The following UBAP1 variants were observed in gnomAD, a reference collection of about 807,000 sequenced individuals.
UBAP1 encodes the protein ubiquitin-associated protein 1.
A neutral mutation model predicts 39.0 loss-of-function variants in UBAP1; 5 were observed. The ratio of observed to expected loss-of-function variants is 0.13; its 90% CI spans 0.07 to 0.27. The LOEUF (loss-of-function observed/expected upper bound fraction) is 0.27. Ranked by LOEUF, UBAP1 falls within the 10% of genes least tolerant of loss-of-function variation. UBAP1 has a pLI of 1.00. For synonymous variants in UBAP1, 211 were observed against 225.1 expected (o/e 0.94, Z 0.56); for missense variants, 490 against 608.1 (o/e 0.81, Z 2.04).
At chr9:34,216,517 G>T (rs1482317330) in intron 1 of UBAP1, among the ~76,000 whole-genome samples, 1 of 151,652 alleles carries the variant, frequency 6.6e-6, no homozygotes, top group Non-Finnish European at 1.5e-5. Flanking sequence ...TAGAGCTGGG[G>T]TCTCACTCTG....
chr9:34,236,578 C>T (rs1051990975), intron 3 of UBAP1, among the ~76,000 whole-genome samples: 1 of 152,070 alleles, frequency 6.6e-6, no homozygotes, highest in African/African-American at 2.4e-5. Flanking sequence ...ATTCCCATTG[C>T]CCATTTAACT....
At chr9:34,231,046 G>A (rs1183238006) in intron 2 of UBAP1, among the ~76,000 whole-genome samples, 1 of 151,394 alleles carries the variant, frequency 6.6e-6, no homozygotes, top group Non-Finnish European at 1.5e-5. Context: ...AGGATTATTT[G>A]GGACCCAGAG....
In UBAP1 at chr9:34,249,756, T is replaced by TA. The variant is rs1230871726; in HGVS notation, c.1084-21dup. On this transcript the variant is annotated intron_variant, in intron 4 of 6. Coordinates refer to ENST00000297661, the MANE Select transcript of UBAP1 (RefSeq NM_016525.5). ...TTTGGGGGCCCAGGTCTTCTTGCCTTAATCTTCTTGTTTTTCCACTAGGTC... is the reference window on the plus strand; with the variant it reads ...TTTGGGGGCCCAGGTCTTCTTGCCTTAAATCTTCTTGTTTTTCCACTAGGTC... 7 of 1,611,214 alleles carry TA rather than the reference T, an allele frequency of 4.3e-6. No individual in the cohort carries two copies. The Admixed American group carries it at 1.2e-4, about 27-fold the overall frequency.
intron 2 of UBAP1, among the ~76,000 whole-genome samples, chr9:34,226,864 A>ATC (rs1833135444): frequency 6.6e-6 from 1 of 152,046 alleles, no homozygotes; most frequent in African/African-American, 2.4e-5. Context: ...TTCTTTTCTG[A>ATC]TAATGCATTT....
chr9:34,218,330 T>C (rs1247275225), intron 1 of UBAP1, among the ~76,000 whole-genome samples: 1 of 145,882 alleles, frequency 6.9e-6, no homozygotes, highest in Admixed American at 7.0e-5. Context: ...GTGGAACTTC[T>C]TTATAACATT....
chr9:34,240,356 A>T (rs2131618544), intron 3 of UBAP1, among the ~76,000 whole-genome samples: 1 of 152,312 alleles, frequency 6.6e-6, no homozygotes, highest in East Asian at 1.9e-4. Context: ...TTAGCACGTT[A>T]GACCTCTCTT....
At chr9:34,213,006 T>A (rs1478487153) in intron 1 of UBAP1, among the ~76,000 whole-genome samples, 2 of 152,122 alleles carry the variant, frequency 1.3e-5, no homozygotes, top group African/African-American at 4.8e-5. Flanking sequence ...TCCACCATGA[T>A]CAAGTGGGTT....
intron 1 of UBAP1, chr9:34,191,951 A>G (rs1563887822): frequency 6.6e-6 from 1 of 151,712 alleles, no homozygotes; most frequent in African/African-American, 2.4e-5. Flanking sequence ...TTAAAAACCA[A>G]CCTCTCTCAG....
intron 1 of UBAP1, among the ~76,000 whole-genome samples, chr9:34,182,765 C>T (rs1446160785): frequency 9.3e-5 from 14 of 151,040 alleles, no homozygotes; most frequent in African/African-American, 3.4e-4. Context: ...GGCTGGGGTA[C>T]AGTGGCTCGA....
intron 2 of UBAP1, among the ~76,000 whole-genome samples, chr9:34,223,780 T>G (rs148757413): frequency 6.6e-5 from 10 of 152,328 alleles, no homozygotes; most frequent in Admixed American, 1.3e-4. Flanking sequence ...TAAATGAAAC[T>G]TTCTACCTGA....
intron 2 of UBAP1, among the ~76,000 whole-genome samples, chr9:34,227,340 G>A (rs1380431483): frequency 1.3e-5 from 2 of 151,752 alleles, no homozygotes; most frequent in Admixed American, 1.3e-4. Flanking sequence ...TTTGCTGCAG[G>A]AGGCGCTGAT....
intron 1 of UBAP1, among the ~76,000 whole-genome samples, chr9:34,186,143 T>C (rs1038880139): frequency 6.6e-6 from 1 of 152,198 alleles, no homozygotes; most frequent in Non-Finnish European, 1.5e-5. Context: ...TTGTTCTCAT[T>C]GAAATAATAG....
intron 1 of UBAP1, among the ~76,000 whole-genome samples, chr9:34,184,814 A>G (rs981674583): frequency 5.3e-5 from 8 of 150,744 alleles, no homozygotes; most frequent in African/African-American, 9.7e-5. Context: ...AGTAGAGACA[A>G]GGTTTCACCA....
At chr9:34,206,550 T>G (rs1014608494) in intron 1 of UBAP1, among the ~76,000 whole-genome samples, 2 of 151,786 alleles carry the variant, frequency 1.3e-5, no homozygotes, top group African/African-American at 2.4e-5. Context: ...AATCAGTTAG[T>G]GACAAAACTT....
chr9:34,217,791 T>TC (rs1832418433), intron 1 of UBAP1, among the ~76,000 whole-genome samples: 2 of 125,006 alleles, frequency 1.6e-5, no homozygotes, highest in Admixed American at 8.1e-5. Flanking sequence ...TTCTTTTTTT[T>TC]TTTTTTTTTT....
chr9:34,235,226 A>T (rs1367246691), intron 3 of UBAP1, among the ~76,000 whole-genome samples: 1 of 152,216 alleles, frequency 6.6e-6, no homozygotes, highest in Admixed American at 6.5e-5. Context: ...TAATGTTTAT[A>T]AAGTTAAAAA....
chr9:34,226,123 G>GTGTGTGTT (rs1833061285), intron 2 of UBAP1, among the ~76,000 whole-genome samples: 4 of 104,666 alleles, frequency 3.8e-5, no homozygotes, highest in African/African-American at 1.1e-4. Flanking sequence ...GTGTGTGTGT[G>GTGTGTGTT]TGTGTGTGTG....
At chr9:34,214,862 A>G (rs930365783) in intron 1 of UBAP1, among the ~76,000 whole-genome samples, 4 of 152,240 alleles carry the variant, frequency 2.6e-5, no homozygotes, top group East Asian at 1.9e-4. Context: ...CAGATGGCCA[A>G]CAAACATGAA....
chr9:34,220,934 G>A lies in UBAP1; in HGVS notation c.20G>A (p.Gly7Asp). 6.2e-7 allele frequency: 1 copy of A among 1,613,470 alleles called. No homozygotes were observed. The highest frequency in any genetic ancestry group is 8.5e-7 in the Non-Finnish European group (1 of 1,179,650). The change falls in exon 2 of 7, where the codon GGT becomes GAT. Residue 7 changes from glycine to aspartate, a missense_variant. Physicochemically the swap from Gly to Asp is moderately conservative, Grantham distance 94. Coordinates refer to ENST00000297661, the MANE Select transcript of UBAP1 (RefSeq NM_016525.5). MASKKL[G>D]ADFHGTFSYL... is the part of the protein sequence containing the mutation. ...TTCTAAATGGCTTCTAAGAAGTTGG[G>A]TGCAGATTTTCATGGTAAGTGGACT...
Sources: allele counts gnomAD v4.1 joint callset (sites outside exome capture counted in the v4.1 genomes callset), GRCh38; gene constraint gnomAD v4.1.1; transcripts MANE v1.5; gene names NCBI Gene and HGNC (gene_info 2026-07-23, HGNC 2026-07-21).